Variants in HTR2C observed in about 807,000 individuals in gnomAD.
The protein encoded by HTR2C is 5-hydroxytryptamine receptor 2C.
A neutral mutation model predicts 21.0 loss-of-function variants in HTR2C; 5 were observed. The ratio of observed to expected loss-of-function variants is 0.24; its 90% CI spans 0.12 to 0.50. HTR2C has a LOEUF of 0.50. Ranked by LOEUF, HTR2C falls within the 20% of genes least tolerant of loss-of-function variation. The pLI is 0.98. For missense variants in HTR2C, 271 were observed against 371.2 expected (o/e 0.73, Z 2.22); for synonymous variants, 150 against 145.3 (o/e 1.03, Z -0.23).
intron 4 of HTR2C, among the ~76,000 whole-genome samples, chrX:114,805,868 T>TATATATACC (rs1282513187): frequency 7.8e-5 from 7 of 89,255 alleles, no homozygotes; most frequent in African/African-American, 2.9e-4. Context: ...ATATATACCA[T>TATATATACC]ATATATACAC....
intron 4 of HTR2C, among the ~76,000 whole-genome samples, chrX:114,762,449 C>T (rs781931472): frequency 6.3e-5 from 7 of 111,106 alleles, no homozygotes; most frequent in South Asian, 3.8e-4. Context: ...CTGATTTCTT[C>T]GAATTGGTTA....
At chrX:114,776,161 A>C (rs1412492344) in intron 4 of HTR2C, 2 of 539,912 alleles carry the variant, frequency 3.7e-6, no homozygotes, top group African/African-American at 4.5e-5. Context: ...TTGACACATC[A>C]AAAGTGCCAC....
chrX:114,880,919 C>A (rs2071176509), intron 5 of HTR2C, among the ~76,000 whole-genome samples: 1 of 110,798 alleles, frequency 9.0e-6, no homozygotes, highest in African/African-American at 3.3e-5. Context: ...TGTTTTAATT[C>A]TCTTGGGTAT....
intron 2 of HTR2C, among the ~76,000 whole-genome samples, chrX:114,678,813 G>C (rs1444853050): frequency 9.0e-6 from 1 of 111,104 alleles, no homozygotes; most frequent in African/African-American, 3.3e-5. Context: ...TTAGCCTTAA[G>C]AGTTCCATTT....
At chrX:114,772,362 T>A (rs1242669544) in intron 4 of HTR2C, among the ~76,000 whole-genome samples, 2 of 111,216 alleles carry the variant, frequency 1.8e-5, no homozygotes, top group Non-Finnish European at 3.8e-5. Context: ...TTTTAACAAA[T>A]GACTCAAATT....
At chrX:114,662,339 C>G (rs1199304265) in intron 2 of HTR2C, among the ~76,000 whole-genome samples, 8 of 110,724 alleles carry the variant, frequency 7.2e-5, no homozygotes, top group African/African-American at 2.3e-4. Context: ...CTCCTCTAAA[C>G]TTCAGTTAAT....
chrX:114,791,469 T>TG (rs1214351326), intron 4 of HTR2C, among the ~76,000 whole-genome samples: 2 of 111,304 alleles, frequency 1.8e-5, no homozygotes, highest in Middle Eastern at 4.7e-3. Context: ...AGGGAGGGTA[T>TG]GGGGTAGAAG....
intron 4 of HTR2C, among the ~76,000 whole-genome samples, chrX:114,806,630 CATATATACACT>C (rs1569495931): frequency 5.5e-5 from 5 of 90,357 alleles, no homozygotes; most frequent in Non-Finnish European, 1.0e-4. Flanking sequence ...ATATATATAC[CATATATACACT>C]ATATATACCA....
At chrX:114,592,733 T>C (rs1179827255) in intron 1 of HTR2C, among the ~76,000 whole-genome samples, 1 of 112,048 alleles carries the variant, frequency 8.9e-6, no homozygotes, top group Admixed American at 9.5e-5. Context: ...ATTGTGATTA[T>C]AGACTCTTAG....
chrX:114,829,248 GGTCAACCTGGTGGGAGTGAA>G (rs1257576392), intron 4 of HTR2C, among the ~76,000 whole-genome samples: 1 of 109,662 alleles, frequency 9.1e-6, no homozygotes, highest in African/African-American at 3.4e-5. Context: ...TTGTGTTTAC[GGTCAACCTGGTGGGAGTGAA>G]GTGGTTTCTC....
chrX:114,675,254 T>C (rs1464063580), intron 2 of HTR2C, among the ~76,000 whole-genome samples: 3 of 111,954 alleles, frequency 2.7e-5, no homozygotes, highest in African/African-American at 9.7e-5. Flanking sequence ...TGCAAAAATA[T>C]TCCTTCTTAT....
chrX:114,836,861 A>T (rs782064404), intron 4 of HTR2C, among the ~76,000 whole-genome samples: 3 of 37,075 alleles, frequency 8.1e-5, no homozygotes, highest in Admixed American at 5.5e-4. Flanking sequence ...CTCAACATTT[A>T]TCTGTAAATT....
chrX:114,710,407 A>C (rs782416790), intron 2 of HTR2C, among the ~76,000 whole-genome samples: 1 of 100,095 alleles, frequency 1.0e-5, no homozygotes, highest in African/African-American at 3.5e-5. Context: ...TTATAAAAAT[A>C]AAAGAACCAC....
intron 2 of HTR2C, among the ~76,000 whole-genome samples, chrX:114,674,709 A>T (rs1250414174): frequency 1.8e-5 from 2 of 111,721 alleles, no homozygotes; most frequent in African/African-American, 6.5e-5. Flanking sequence ...CCTCCCAATA[A>T]TCCCTTCAAG....
intron 2 of HTR2C, among the ~76,000 whole-genome samples, chrX:114,650,351 T>C (rs1930512871): frequency 8.9e-6 from 1 of 111,754 alleles, no homozygotes; most frequent in Admixed American, 9.5e-5. Context: ...TCAATGCCTT[T>C]CTATCTAAAC....
At chrX:114,593,428 T>TA (rs1556391674) in intron 1 of HTR2C, among the ~76,000 whole-genome samples, 1 of 111,516 alleles carries the variant, frequency 9.0e-6, no homozygotes, top group African/African-American at 3.3e-5. Context: ...ACTTGGTTTT[T>TA]AACTTATACT....
chrX:114,835,844 C>T (rs1377977486), intron 4 of HTR2C, among the ~76,000 whole-genome samples: 1 of 109,953 alleles, frequency 9.1e-6, no homozygotes, highest in African/African-American at 3.3e-5. Flanking sequence ...GTTTTATCTA[C>T]TTTTGGTCTT....
At chrX:114,769,160 C>T (rs1285696638) in intron 4 of HTR2C, among the ~76,000 whole-genome samples, 1 of 111,333 alleles carries the variant, frequency 9.0e-6, no homozygotes, top group Non-Finnish European at 1.9e-5. Flanking sequence ...TTACCTATTG[C>T]TATTATTTAT....
rs2071402553 is a variant in HTR2C, at chrX:114,909,955, T to G, written c.*2540T>G. 1 of 112,343 alleles carries G rather than the reference T, an allele frequency of 8.9e-6. No homozygotes were observed. The highest frequency in any genetic ancestry group is 3.2e-5 in the African/African-American group (1 of 30,797). 9.3% of individuals were successfully genotyped at this position (112,343 alleles called of 1,213,427 possible). ...AATTCTTCTCCTTTGTCAAATGGTA[T>G]TTTTTGTGAATGGTTGCAAAGTGTT... On this transcript the variant is annotated 3_prime_UTR_variant, in exon 6 of 6. Transcript: ENST00000276198.
Sources: gnomAD v4.1 joint callset for allele counts (sites outside exome capture counted in the v4.1 genomes callset) on GRCh38, gnomAD v4.1.1 for gene constraint, MANE v1.5 for transcripts, NCBI Gene and HGNC (gene_info 2026-07-23, HGNC 2026-07-21) for gene names.